The following PATJ variants were observed in gnomAD, a reference collection of about 807,000 sequenced individuals.
PATJ encodes the protein PATJ crumbs cell polarity complex component.
PATJ carries 190 observed loss-of-function variants against 224.9 expected under a neutral mutation model. The ratio of observed to expected loss-of-function variants is 0.84; its 90% confidence interval spans 0.75 to 0.95. The LOEUF is 0.95. Among genes scored for constraint, PATJ ranks in the 40% least tolerant of loss-of-function variants. The probability of loss-of-function intolerance (pLI) is 0.00; values close to 1 mark genes in which losing one functional copy is unlikely to be tolerated. For synonymous variants in PATJ, 769 were observed against 820.3 expected (o/e 0.94, Z 1.07); for missense variants, 2,121 against 2,270.3 (o/e 0.93, Z 1.34).
intron 27 of PATJ, among the ~76,000 whole-genome samples, chr1:61,965,478 T>A (rs1401826039): frequency 6.6e-6 from 1 of 152,230 alleles, no homozygotes; most frequent in Non-Finnish European, 1.5e-5. Context: ...GAGCCCAAAG[T>A]TACCTAACCA....
chr1:62,026,224 G>T (rs1647876920), intron 29 of PATJ, among the ~76,000 whole-genome samples: 1 of 152,110 alleles, frequency 6.6e-6, no homozygotes, highest in Non-Finnish European at 1.5e-5. Context: ...GAATCTTTTT[G>T]GAAAGGAGTT....
intron 32 of PATJ, among the ~76,000 whole-genome samples, 189 bp from the exon 33 acceptor site, chr1:62,084,326 G>A (rs1027714986): frequency 1.1e-4 from 17 of 152,138 alleles, no homozygotes; most frequent in Non-Finnish European, 2.1e-4. Flanking sequence ...GGGAGTTATC[G>A]TTTTAATCTC....
chr1:61,933,338 C>T (rs1371134354), intron 27 of PATJ, among the ~76,000 whole-genome samples: 3 of 151,468 alleles, frequency 2.0e-5, no homozygotes, highest in Admixed American at 2.0e-4. Flanking sequence ...CAGGAGTGCA[C>T]GACCAGCCTG....
intron 14 of PATJ, among the ~76,000 whole-genome samples, chr1:61,809,031 T>G (rs1447905089): frequency 1.3e-5 from 2 of 152,266 alleles, no homozygotes; most frequent in African/African-American, 4.8e-5. Flanking sequence ...CAGGTTCAGA[T>G]GTTCAAGGAA....
intron 31 of PATJ, among the ~76,000 whole-genome samples, chr1:62,062,105 C>T (rs1038181186): frequency 6.6e-6 from 1 of 152,162 alleles, no homozygotes; most frequent in African/African-American, 2.4e-5. Flanking sequence ...GTTATGTAAC[C>T]AGTAATGGGA....
intron 14 of PATJ, among the ~76,000 whole-genome samples, chr1:61,810,968 C>T (rs1270710438): frequency 6.6e-6 from 1 of 152,044 alleles, no homozygotes; most frequent in Non-Finnish European, 1.5e-5. Flanking sequence ...TTAATTACTG[C>T]ATTATAGTGT....
intron 12 of PATJ, among the ~76,000 whole-genome samples, chr1:61,804,141 A>C (rs1653076190): frequency 6.6e-6 from 1 of 152,172 alleles, no homozygotes; most frequent in African/African-American, 2.4e-5. Flanking sequence ...CAGTTAAGAA[A>C]TTACTGCCTA....
intron 7 of PATJ, among the ~76,000 whole-genome samples, chr1:61,777,703 C>CTTTTTTTTTTTTTT (rs66470863): frequency 1.4e-3 from 70 of 48,726 alleles, no homozygotes; most frequent in African/African-American, 1.6e-3. Flanking sequence ...TTCTTTCTTT[C>CTTTTTTTTTTTTTT]TTTTTTTTTT....
intron 17 of PATJ, among the ~76,000 whole-genome samples, chr1:61,838,267 C>G (rs2148818655): frequency 6.6e-6 from 1 of 152,190 alleles, no homozygotes; most frequent in Middle Eastern, 3.4e-3. Context: ...TCACTGATCT[C>G]CATTGTCATG....
intron 20 of PATJ, among the ~76,000 whole-genome samples, chr1:61,871,721 C>G (rs1388928773): frequency 6.6e-6 from 1 of 150,924 alleles, no homozygotes; most frequent in Admixed American, 6.6e-5. Flanking sequence ...CACCACCACG[C>G]CCAGCTAATT....
intron 22 of PATJ, among the ~76,000 whole-genome samples, chr1:61,889,878 T>C (rs927022708): frequency 1.3e-5 from 2 of 152,222 alleles, no homozygotes; most frequent in African/African-American, 4.8e-5. Flanking sequence ...AGCAATACCT[T>C]AGCTGAGTGG....
chr1:61,838,269 A>G (rs1039620285), intron 17 of PATJ, among the ~76,000 whole-genome samples: 3 of 152,094 alleles, frequency 2.0e-5, no homozygotes, highest in Non-Finnish European at 4.4e-5. Context: ...ACTGATCTCC[A>G]TTGTCATGCC....
chr1:61,804,015 T>C (rs912708972), intron 12 of PATJ, among the ~76,000 whole-genome samples: 3 of 152,156 alleles, frequency 2.0e-5, no homozygotes, highest in Non-Finnish European at 4.4e-5. Context: ...GTCAAAAAAA[T>C]TGCTGGTGAA....
intron 15 of PATJ, among the ~76,000 whole-genome samples, chr1:61,825,154 T>C (rs537326527): frequency 1.3e-5 from 2 of 152,300 alleles, no homozygotes; most frequent in African/African-American, 2.4e-5. Context: ...ATACCATCCA[T>C]GTAAATTATA....
chr1:61,892,267 T>C (rs1233934469), intron 22 of PATJ, among the ~76,000 whole-genome samples: 1 of 152,204 alleles, frequency 6.6e-6, no homozygotes, highest in African/African-American at 2.4e-5. Flanking sequence ...TTAGTCACAA[T>C]TGGAGCTCTC....
At chr1:61,942,018 C>G (rs1026771623) in intron 27 of PATJ, among the ~76,000 whole-genome samples, 6 of 152,148 alleles carry the variant, frequency 3.9e-5, no homozygotes, top group Non-Finnish European at 8.8e-5. Flanking sequence ...ATTGATCTTG[C>G]ACTGCTTCAG....
intron 15 of PATJ, among the ~76,000 whole-genome samples, chr1:61,824,701 A>G (rs1440784650): frequency 6.6e-6 from 1 of 152,184 alleles, no homozygotes; most frequent in African/African-American, 2.4e-5. Context: ...CTGGAATTAC[A>G]GTCATTAGCC....
chr1:61,811,633 T>C (rs1163435669), intron 14 of PATJ, among the ~76,000 whole-genome samples: 1 of 150,842 alleles, frequency 6.6e-6, no homozygotes, highest in Non-Finnish European at 1.5e-5. Flanking sequence ...TTTTCTAGTT[T>C]ACTAAATTTC....
chr1:62,116,227 G>A (rs1053555098), intron 35 of PATJ, among the ~76,000 whole-genome samples: 14 of 152,148 alleles, frequency 9.2e-5, no homozygotes, highest in Non-Finnish European at 1.9e-4. Context: ...TTATCTTAAA[G>A]ATATACTTAC....
Sources: allele counts gnomAD v4.1 joint callset (sites outside exome capture counted in the v4.1 genomes callset), GRCh38; gene constraint gnomAD v4.1.1; transcripts MANE v1.5; gene names NCBI Gene and HGNC (gene_info 2026-07-23, HGNC 2026-07-21).